PXDC1: variants seen among roughly 807,000 people sequenced by gnomAD.
The protein encoded by PXDC1 is PX domain containing 1.
Under a neutral mutation model 24.4 loss-of-function variants are expected in PXDC1, and 13 were observed. That is an observed-to-expected ratio of 0.53 (90% confidence interval 0.35 to 0.85). The LOEUF is 0.85. PXDC1 is among the 40% of genes least tolerant of loss of function. PXDC1 has a pLI of 0.01. For missense variants in PXDC1, 344 were observed against 309.3 expected (o/e 1.11, Z -0.84); for synonymous variants, 162 against 124.9 (o/e 1.30, Z -1.98).
At chr6:3,732,231 C>T (rs1040240064) in intron 3 of PXDC1, among the ~76,000 whole-genome samples, 1 of 152,220 alleles carries the variant, frequency 6.6e-6, no homozygotes, top group African/African-American at 2.4e-5. Flanking sequence ...TCAGCAGACA[C>T]GCGGTCTCAG....
At position 3,737,643 on chromosome 6, in the gene PXDC1, C is replaced by T. The variant is rs1315049439; in HGVS notation, c.348+414G>A. ...TGGAAAGGGAGTTGACGGTCAAATC[C>T]GGGCAACGTGCCCCGCTGTGCTGAC... is the stretch of plus-strand genomic sequence containing the variant. On this transcript the variant is annotated intron_variant, in intron 2 of 4. Transcript: ENST00000380283. The surrounding 1 kb of genome is among the most constrained non-coding windows in gnomAD (Gnocchi z 5.5). 7.1e-6 allele frequency: 7 copies of T among 985,160 alleles called. No homozygotes were observed. Among genetic ancestry groups the T allele is most frequent in the Non-Finnish European group, 7.2e-6 (6 of 829,796 alleles). The allele number at this position is 985,160 out of a possible 1,614,324, so 61.0% of individuals were successfully genotyped here. A position where few individuals can be genotyped will look rare whatever the true frequency, so the allele number is the denominator to read the frequency against.
At chr6:3,751,076 G>C (rs1188693179) in intron 1 of PXDC1, 200 bp downstream of exon 1, 1 of 492,796 alleles carries the variant, frequency 2.0e-6, no homozygotes, top group Admixed American at 4.3e-5. Flanking sequence ...GGCGCCCCCA[G>C]GCTGGGCAGG....
intron 1 of PXDC1, 83 bp downstream of exon 1, chr6:3,751,193 C>T: frequency 9.2e-7 from 1 of 1,090,884 alleles, no homozygotes; most frequent in Non-Finnish European, 1.2e-6. Context: ...GTCGCAATCT[C>T]GGTTGAAGTC....
chr6:3,729,964 C>T (rs942601706), intron 3 of PXDC1, among the ~76,000 whole-genome samples: 8 of 152,202 alleles, frequency 5.3e-5, no homozygotes, highest in East Asian at 1.9e-4. Context: ...CTCTATAAAA[C>T]GGAGTCATTA....
rs1018686440 is a variant in PXDC1 at position 3,731,655 on chromosome 6, A to G, written c.467-3993T>C. On this transcript the variant is annotated intron_variant, in intron 3 of 4. Coordinates refer to ENST00000380283, the MANE Select transcript of PXDC1 (RefSeq NM_183373.4). Reference sequence around the variant, plus strand: ...CGTTCCTCTTTTCCGTGGGGGCCCCAATCCAGGATCTCTTGCTGCAATGAG... The same window carrying G: ...CGTTCCTCTTTTCCGTGGGGGCCCCGATCCAGGATCTCTTGCTGCAATGAG... 2.4e-4 allele frequency among the ~76,000 whole-genome samples: 36 copies of G among 152,352 alleles called. 5 individuals carry two copies. The highest frequency in any genetic ancestry group is 2.1e-3 in the Admixed American group (32 of 15,300).
At chr6:3,739,709 C>A (rs9328188) in intron 1 of PXDC1, among the ~76,000 whole-genome samples, 132,395 of 152,314 alleles carry the variant, frequency 0.87, 58,526 homozygotes, top group Non-Finnish European at 0.97. Flanking sequence ...AGGAAGAAAA[C>A]GAGAAAACAA....
intron 3 of PXDC1, among the ~76,000 whole-genome samples, chr6:3,731,406 A>T (rs975692862): frequency 2.0e-5 from 3 of 152,268 alleles, no homozygotes; most frequent in Non-Finnish European, 4.4e-5. Context: ...TGAATGTCTT[A>T]GAAGTCAGCT....
intron 1 of PXDC1, among the ~76,000 whole-genome samples, chr6:3,740,722 G>A (rs765331647): frequency 1.4e-4 from 21 of 152,074 alleles, no homozygotes; most frequent in Admixed American, 1.3e-3. Context: ...CTGTCCTCCA[G>A]CCTCCTCCAC....
chr6:3,737,399 C>A lies in PXDC1; in HGVS notation c.349-203G>T, dbSNP rs991887334. On this transcript the variant is annotated intron_variant, in intron 2 of 4. Coordinates refer to ENST00000380283, the MANE Select transcript of PXDC1 (RefSeq NM_183373.4). This position sits in a 1 kb window ranked among gnomAD's most constrained non-coding sequence, Gnocchi z 5.5. Reference sequence around the variant, plus strand: ...CCTCACATGCTCATGGCCCAGGCGGCTGAAAGGCAAGGCCTCAGCGACCTG... The same window carrying A: ...CCTCACATGCTCATGGCCCAGGCGGATGAAAGGCAAGGCCTCAGCGACCTG... Among the ~76,000 whole-genome samples, 1 of 152,234 alleles carries A rather than the reference C, an allele frequency of 6.6e-6. No homozygotes were observed. Among genetic ancestry groups the A allele is most frequent in the African/African-American group, 2.4e-5 (1 of 41,470 alleles).
At chr6:3,746,480 G>A (rs1335771981) in intron 1 of PXDC1, among the ~76,000 whole-genome samples, 2 of 152,204 alleles carry the variant, frequency 1.3e-5, no homozygotes, top group African/African-American at 4.8e-5. Flanking sequence ...GTCAAAAATA[G>A]GTCTGTGAGT....
At chr6:3,729,317 G>A (rs1294699550) in intron 3 of PXDC1, among the ~76,000 whole-genome samples, 3 of 152,152 alleles carry the variant, frequency 2.0e-5, no homozygotes, top group Non-Finnish European at 4.4e-5. Context: ...ACAAAAATGA[G>A]GAAAGAGAAA....
intron 1 of PXDC1, among the ~76,000 whole-genome samples, chr6:3,748,469 G>A (rs1385387753): frequency 6.6e-6 from 1 of 152,128 alleles, no homozygotes; most frequent in East Asian, 1.9e-4. Flanking sequence ...TGAGCACTGT[G>A]CCTCCACCCC....
chr6:3,733,219 A>G (rs1001478486), intron 3 of PXDC1, among the ~76,000 whole-genome samples: 7 of 152,144 alleles, frequency 4.6e-5, no homozygotes, highest in African/African-American at 1.4e-4. Context: ...CATGAGAGAA[A>G]GCCGTGTGGA....
In PXDC1 at chr6:3,746,242, C is replaced by CG. The variant is rs990795788; in HGVS notation, c.256+5033dup. 3.0e-4 allele frequency among the ~76,000 whole-genome samples: 45 copies of CG among 152,054 alleles called. 1 individual carries two copies. The highest frequency in any genetic ancestry group is 2.2e-3 in the Admixed American group (34 of 15,280). ...CCCAGGGGCTCAGTCTGAGATCTGT[C>CG]GGGGGGGCAGCAAACCAAACGCAGC... On this transcript the variant is annotated intron_variant, in intron 1 of 4. Transcript: ENST00000380283.
chr6:3,750,432 C>T (rs560044668), intron 1 of PXDC1, among the ~76,000 whole-genome samples: 1 of 152,202 alleles, frequency 6.6e-6, no homozygotes, highest in East Asian at 1.9e-4. Flanking sequence ...CCCGGCCCTC[C>T]CAGGCGGCCC....
chr6:3,747,478 C>T (rs1422190069), intron 1 of PXDC1, among the ~76,000 whole-genome samples: 3 of 152,128 alleles, frequency 2.0e-5, no homozygotes, highest in Non-Finnish European at 4.4e-5. Flanking sequence ...CCTTCCTGAC[C>T]AACAGTCTCC....
intron 1 of PXDC1, among the ~76,000 whole-genome samples, chr6:3,750,834 G>A (rs1026528567): frequency 1.3e-5 from 2 of 152,136 alleles, no homozygotes; most frequent in African/African-American, 4.8e-5. Context: ...CAGACCCGAC[G>A]CGACCCCCGG....
intron 1 of PXDC1, 166 bp downstream of exon 1, chr6:3,751,110 C>T (rs1760704168): frequency 1.8e-6 from 1 of 567,158 alleles, no homozygotes. Context: ...CCCCTAACCC[C>T]GCCGCCCGGG....
intron 3 of PXDC1, among the ~76,000 whole-genome samples, chr6:3,732,203 A>G (rs564082181): frequency 4.1e-4 from 63 of 152,302 alleles, no homozygotes; most frequent in African/African-American, 1.5e-3. Context: ...CCTCACTTCA[A>G]TAACTCTATT....
Sources: gnomAD v4.1 joint callset for allele counts (sites outside exome capture counted in the v4.1 genomes callset) on GRCh38, gnomAD v4.1.1 for gene constraint, Gnocchi (gnomAD v3.1) non-coding constraint, MANE v1.5 for transcripts, NCBI Gene and HGNC (gene_info 2026-07-23, HGNC 2026-07-21) for gene names.